FBXL20: variants seen among roughly 807,000 people sequenced by gnomAD.
The protein encoded by FBXL20 is F-box/LRR-repeat protein 20.
FBXL20 carries 11 observed loss-of-function variants against 64.0 expected under a neutral mutation model. The observed-to-expected ratio is 0.17, with a 90% CI of 0.11 to 0.28. FBXL20 has a LOEUF of 0.28. Ranked by LOEUF, FBXL20 falls within the 10% of genes least tolerant of loss-of-function variation. FBXL20 has a pLI of 1.00. For missense variants in FBXL20, 303 were observed against 526.2 expected (o/e 0.58, Z 4.15); for synonymous variants, 184 against 189.0 (o/e 0.97, Z 0.22).
intron 2 of FBXL20, among the ~76,000 whole-genome samples, chr17:39,313,557 A>G (rs1167933531): frequency 1.3e-5 from 2 of 152,030 alleles, no homozygotes; most frequent in East Asian, 3.9e-4. Flanking sequence ...TAGAAACCAA[A>G]ATAAAAGAAT....
In FBXL20 at chr17:39,306,310, C is replaced by T. The variant is rs117952234; in HGVS notation, c.105-2671G>A. Among the ~76,000 whole-genome samples, 409 of 152,110 alleles carry T rather than the reference C, an allele frequency of 2.7e-3. 7 individuals carry two copies. In the East Asian group the frequency reaches 0.029, roughly 11 times the overall value. Reference sequence around the variant, plus strand: ...GGATTACAGGCATCCCACCACCACACGCCAGGCTTTAAAACAAGTTTTAAA... The same window carrying T: ...GGATTACAGGCATCCCACCACCACATGCCAGGCTTTAAAACAAGTTTTAAA... On this transcript the variant is annotated intron_variant, in intron 2 of 14. Coordinates refer to ENST00000264658, the MANE Select transcript of FBXL20 (RefSeq NM_032875.3).
chr17:39,370,271 A>ACAAGG (rs2047903213), intron 1 of FBXL20, among the ~76,000 whole-genome samples: 2 of 151,158 alleles, frequency 1.3e-5, no homozygotes, highest in African/African-American at 2.4e-5. Flanking sequence ...CGGGCGGATC[A>ACAAGG]TCTGAGATCA....
chr17:39,320,940 G>A (rs1008578467), intron 2 of FBXL20, among the ~76,000 whole-genome samples: 1 of 152,036 alleles, frequency 6.6e-6, no homozygotes, highest in Non-Finnish European at 1.5e-5. Flanking sequence ...TAACTCAGAA[G>A]ACAATATATA....
intron 7 of FBXL20, among the ~76,000 whole-genome samples, chr17:39,284,783 T>G (rs2046974728): frequency 6.6e-6 from 1 of 152,202 alleles, no homozygotes; most frequent in South Asian, 2.1e-4. Flanking sequence ...CAAAACTTTA[T>G]ATGGTGTTGC....
chr17:39,356,062 A>C (rs2047735688), intron 1 of FBXL20, among the ~76,000 whole-genome samples: 1 of 150,702 alleles, frequency 6.6e-6, no homozygotes, highest in African/African-American at 2.4e-5. Flanking sequence ...AAAAATACAA[A>C]AAGTAGCCAG....
At chr17:39,340,626 CTCTA>C (rs2047573347) in intron 2 of FBXL20, among the ~76,000 whole-genome samples, 1 of 152,036 alleles carries the variant, frequency 6.6e-6, no homozygotes, top group African/African-American at 2.4e-5. Flanking sequence ...AGTATAAATT[CTCTA>C]TCCTATTTTT....
At position 39,343,214 on chromosome 17, in the gene FBXL20, T is replaced by C. The variant is rs750577811; in HGVS notation, c.70A>G (p.Ile24Val). Residue 24 changes from isoleucine (I) to valine (V), a missense_variant, in exon 2 of 15, where the codon ATC becomes GTC. By Grantham distance (29) the Ile-to-Val change is conservative (BLOSUM62 3). This residue lies in a region of FBXL20 where 246 missense variants were observed against 422.6 expected (regional missense o/e 0.58). Coordinates refer to ENST00000264658, the MANE Select transcript of FBXL20 (RefSeq NM_032875.3). ...AGTTCTTTGGGAAGTTTTTTATTGA[T>C]TACAGCTTCATCACTATTTGAGAAC... ...EMFSNSDEAV[I>V]NKKLPKELLL... The C allele has an allele frequency of 6.9e-6, 11 of 1,604,528 alleles. No homozygotes were observed. The highest frequency in any genetic ancestry group is 8.5e-6 in the Non-Finnish European group (10 of 1,177,116).
At chr17:39,279,324 C>G (rs982569575) in intron 9 of FBXL20, among the ~76,000 whole-genome samples, 1 of 151,114 alleles carries the variant, frequency 6.6e-6, no homozygotes, top group Non-Finnish European at 1.5e-5. Flanking sequence ...ATAGGGAGAC[C>G]CTATCTCTAC....
chr17:39,330,420 C>T (rs1421621266), intron 2 of FBXL20, among the ~76,000 whole-genome samples: 1 of 152,100 alleles, frequency 6.6e-6, no homozygotes, highest in South Asian at 2.1e-4. Flanking sequence ...TCAAGACCAG[C>T]CTGGCCAACA....
chr17:39,320,385 C>T (rs2144510962), intron 2 of FBXL20, among the ~76,000 whole-genome samples: 1 of 152,214 alleles, frequency 6.6e-6, no homozygotes, highest in East Asian at 1.9e-4. Context: ...TTCATCCATT[C>T]CCTCCTTCCT....
chr17:39,312,702 T>C (rs1376236667), intron 2 of FBXL20, among the ~76,000 whole-genome samples: 1 of 146,018 alleles, frequency 6.8e-6, no homozygotes, highest in East Asian at 2.1e-4. Context: ...GTCTCCCGAG[T>C]TGCTGGGACT....
intron 2 of FBXL20, among the ~76,000 whole-genome samples, chr17:39,322,652 TTC>T (rs1200642196): frequency 2.0e-5 from 3 of 152,102 alleles, no homozygotes; most frequent in Non-Finnish European, 4.4e-5. Flanking sequence ...GTTGTGAGAA[TTC>T]TCTCTTTCAG....
chr17:39,254,423 A>G lies in FBXL20; in HGVS notation c.*7037T>C, dbSNP rs1157391363. ...TCCTTGGTTCTTGGGGCATGACAGA[A>G]GAGAAAAGGTAAATATGTCTGGACA... On this transcript the variant is annotated 3_prime_UTR_variant, in exon 15 of 15. Transcript: ENST00000264658. The G allele has an allele frequency of 6.6e-6, 1 of 152,600 alleles. No individual in the cohort carries two copies. Among genetic ancestry groups the G allele is most frequent in the Non-Finnish European group, 1.5e-5 (1 of 68,078 alleles). The allele number at this position is 152,600 out of a possible 1,614,324, so 9.5% of individuals were successfully genotyped here.
intron 1 of FBXL20, among the ~76,000 whole-genome samples, chr17:39,343,950 GC>G (rs1412543830): frequency 3.1e-4 from 47 of 152,094 alleles, no homozygotes; most frequent in African/African-American, 1.1e-3. Context: ...CACAACTTCT[GC>G]CACCTAGGTT....
chr17:39,398,010 GTAA>G (rs2048200621), intron 1 of FBXL20, among the ~76,000 whole-genome samples: 2 of 137,908 alleles, frequency 1.5e-5, no homozygotes, highest in Admixed American at 7.7e-5. Flanking sequence ...GCTCACGCCT[GTAA>G]TCCCAGCACT....
At chr17:39,367,743 T>C (rs930701357) in intron 1 of FBXL20, among the ~76,000 whole-genome samples, 5 of 152,074 alleles carry the variant, frequency 3.3e-5, no homozygotes, top group Non-Finnish European at 7.4e-5. Context: ...TAAGTTTCTA[T>C]TTATTGAAAG....
rs1303022253 is a variant in FBXL20 at position 39,401,422 on chromosome 17, C to T, written c.-20G>A. The T allele has an allele frequency of 1.9e-6, 3 of 1,586,312 alleles. No individual in the cohort carries two copies. Among genetic ancestry groups the T allele is most frequent in the Admixed American group, 3.6e-5 (2 of 55,884 alleles). On this transcript the variant is annotated 5_prime_UTR_variant, in exon 1 of 15. Coordinates refer to ENST00000264658, the MANE Select transcript of FBXL20 (RefSeq NM_032875.3). Reference sequence around the variant, plus strand: ...CCTCATGGGGCCGGCGGGTGCGGCCCGGGCCGGGCGCTGCGGCGAGCGGAG... The same window carrying T: ...CCTCATGGGGCCGGCGGGTGCGGCCTGGGCCGGGCGCTGCGGCGAGCGGAG...
At chr17:39,322,123 C>T (rs1373991078) in intron 2 of FBXL20, among the ~76,000 whole-genome samples, 2 of 124,626 alleles carry the variant, frequency 1.6e-5, no homozygotes, top group East Asian at 4.9e-4. Flanking sequence ...GGTAGAAGTT[C>T]GTGATCAGCC....
At chr17:39,323,132 G>A (rs1016487914) in intron 2 of FBXL20, among the ~76,000 whole-genome samples, 4 of 152,044 alleles carry the variant, frequency 2.6e-5, no homozygotes, top group African/African-American at 9.7e-5. Context: ...ACTGTGCCCA[G>A]CCAATTTTTT....
Sources: allele counts gnomAD v4.1 joint callset (sites outside exome capture counted in the v4.1 genomes callset), GRCh38; gene constraint gnomAD v4.1.1; regional missense constraint gnomAD v4.1.1; transcripts MANE v1.5; gene names NCBI Gene and HGNC (gene_info 2026-07-23, HGNC 2026-07-21).